C1orf35: variants seen among roughly 807,000 people sequenced by gnomAD.
C1orf35 encodes chromosome 1 open reading frame 35.
In C1orf35, 36 loss-of-function variants were observed where a neutral mutation model predicts 30.9. The observed-to-expected ratio is 1.16, with a 90% CI of 0.89 to 1.54. C1orf35 has a LOEUF of 1.54. Ranked by LOEUF, C1orf35 falls within the 40% of genes most tolerant of loss-of-function variation. The probability of loss-of-function intolerance (pLI) is 0.00; values close to 1 mark genes in which losing one functional copy is unlikely to be tolerated. For missense variants in C1orf35, 396 were observed against 358.7 expected, an observed-to-expected ratio of 1.10 and a Z score of -0.84; for synonymous variants, 179 against 148.2, an observed-to-expected ratio of 1.21 and a Z score of -1.51.
chr1:228,101,006 C>T lies in C1orf35; in HGVS notation c.*125G>A. 1 of 1,426,506 alleles carries T rather than the reference C, an allele frequency of 7.0e-7. No homozygotes were observed. Among genetic ancestry groups the T allele is most frequent in the Non-Finnish European group, 9.5e-7 (1 of 1,048,446 alleles). The allele number at this position is 1,426,506 out of a possible 1,614,324, so 88.4% of individuals were successfully genotyped here. A position where few individuals can be genotyped will look rare whatever the true frequency, so the allele number is the denominator to read the frequency against. On this transcript the variant is annotated 3_prime_UTR_variant, in exon 8 of 8. Coordinates refer to ENST00000272139, the MANE Select transcript of C1orf35 (RefSeq NM_024319.4). The stretch of plus-strand genomic sequence containing the variant: ...AGTCTTTAGCCCCACAGGCTGGTGC[C>T]CAGAGCCACTTCCACAGGAGCAGCC...
intron 6 of C1orf35, 123 bp downstream of exon 6, chr1:228,101,957 G>A: frequency 7.0e-7 from 1 of 1,430,072 alleles, no homozygotes; most frequent in Non-Finnish European, 9.1e-7. Context: ...AAGTAAAGTA[G>A]GGCAGGCCAC....
In C1orf35 at chr1:228,103,264, GCAACCTGCAACCCGCAAC is replaced by G; in HGVS notation, c.-55_-38del. On this transcript the variant is annotated 5_prime_UTR_variant, in exon 1 of 8. Coordinates refer to ENST00000272139, the MANE Select transcript of C1orf35 (RefSeq NM_024319.4). Reference sequence around the variant, plus strand: ...GGCAGTTGCCTGGGGCCTGCGGCTTGCAACCTGCAACCCGCAACCCGAGACCCGCTACCCACTACCGTC... The same window carrying G: ...GGCAGTTGCCTGGGGCCTGCGGCTTGCCGAGACCCGCTACCCACTACCGTC... 6.2e-7 allele frequency: 1 copy of G among 1,601,734 alleles called. No individual in the cohort carries two copies. The highest frequency in any genetic ancestry group is 8.5e-7 in the Non-Finnish European group (1 of 1,175,522).
chr1:228,102,648 T>C lies in C1orf35; in HGVS notation c.286A>G (p.Lys96Glu). 6.2e-7 allele frequency: 1 copy of C among 1,606,518 alleles called. No individual in the cohort carries two copies. The highest frequency in any genetic ancestry group is 1.1e-5 in the South Asian group (1 of 89,898). The change falls in exon 3 of 8, where the codon AAG becomes GAG. Residue 96 changes from lysine (K) to glutamate (E), a missense_variant. Lys to Glu is a moderately conservative substitution (Grantham distance 56, BLOSUM62 1). Coordinates refer to ENST00000272139, the MANE Select transcript of C1orf35 (RefSeq NM_024319.4). ...CCCCCACCCCGGGGAGTTACCTCCT[T>C]GCTCAGGCCCGTGGGCTGCTTCTTC... is the stretch of plus-strand genomic sequence containing the variant. ...NVKKQPTGLS[K>E]EDFAEVCKRE...
chr1:228,101,568 C>T, intron 6 of C1orf35, 95 bp from the exon 7 acceptor site: 1 of 1,556,710 alleles, frequency 6.4e-7, no homozygotes, highest in East Asian at 2.2e-5. Context: ...CCACCACCCA[C>T]AAGTGCGTCT....
At position 228,103,028 on chromosome 1, in the gene C1orf35, A is replaced by G; in HGVS notation, c.116T>C (p.Val39Ala). The change falls in exon 2 of 8, where the codon GTA (valine) becomes GCA (alanine). Residue 39 changes from valine to alanine, a missense_variant. Physicochemically the swap from Val to Ala is moderately conservative, Grantham distance 64. Coordinates refer to ENST00000272139, the MANE Select transcript of C1orf35 (RefSeq NM_024319.4). ...GTCGCGGCCCTTCTGCCAGCGGCCT[A>G]CCGGCGCCATCAGCGAGTTGCCTGC... Reference protein sequence around the residue: ...NYLGNSLMAPVGRWQKGRDLT... With the variant: ...NYLGNSLMAPAGRWQKGRDLT... 6.3e-7 allele frequency: 1 copy of G among 1,590,922 alleles called. No individual in the cohort carries two copies. Among genetic ancestry groups the G allele is most frequent in the South Asian group, 1.1e-5 (1 of 88,604 alleles).
chr1:228,102,676 G>A lies in C1orf35; in HGVS notation c.258C>T (p.Asn86=), dbSNP rs763729658. The A allele has an allele frequency of 6.2e-7, 1 of 1,608,902 alleles. No individual in the cohort carries two copies. The highest frequency in any genetic ancestry group is 8.5e-7 in the Non-Finnish European group (1 of 1,178,596). ...EALLAALGYK[N]VKKQPTGLSK... is the part of the protein sequence containing the mutation. Reference sequence around the variant, plus strand: ...TCAGGCCCGTGGGCTGCTTCTTCACGTTCTTGTAGCCACTGCGAGAGGGCC... The same window carrying A: ...TCAGGCCCGTGGGCTGCTTCTTCACATTCTTGTAGCCACTGCGAGAGGGCC... The change falls in exon 3 of 8, where the codon AAC becomes AAT. Residue 86 remains asparagine (N), a synonymous_variant. Coordinates refer to ENST00000272139, the MANE Select transcript of C1orf35 (RefSeq NM_024319.4).
At chr1:228,102,785 G>C in intron 2 of C1orf35, 97 bp from the exon 3 acceptor site, 1 of 1,456,862 alleles carries the variant, frequency 6.9e-7, no homozygotes, top group Non-Finnish European at 9.0e-7. Context: ...CCGCCCGCGC[G>C]AGTCCCCGCA....
Position 228,102,223 on chromosome 1 carries a change from G to A in C1orf35, c.448-58C>T, listed in dbSNP as rs578158660. On this transcript the variant is annotated intron_variant, in intron 5 of 7. Transcript: ENST00000272139. ...GCGGGCCGGCCCCACACCACGCCCC[G>A]CAGCGCCCCGGGGAGCTCCGTTCAG... The A allele has an allele frequency of 2.5e-3, 3,854 of 1,562,028 alleles. 12 individuals carry two copies. The highest frequency in any genetic ancestry group is 3.0e-3 in the Non-Finnish European group (3,502 of 1,159,480).
intron 1 of C1orf35, 42 bp from the exon 2 acceptor site, chr1:228,103,091 C>T (rs368771045): frequency 1.3e-6 from 2 of 1,599,024 alleles, no homozygotes; most frequent in African/African-American, 1.4e-5. Flanking sequence ...CGCCCGGGAT[C>T]CCGGAGCCCG....
rs1193648690 is a variant in C1orf35, at chr1:228,102,991, G to A, written c.153C>T (p.Tyr51=). ...CCGCGCATGGCGCCCGGCCCTTGGC[G>A]TACCAGGTGAGGTCGCGGCCCTTCT... ...RWQKGRDLTW[Y]AKGRAPCAGP... Residue 51 remains tyrosine, a synonymous_variant, in exon 2 of 8, where the codon TAC becomes TAT. Coordinates refer to ENST00000272139, the MANE Select transcript of C1orf35 (RefSeq NM_024319.4). 6.5e-7 allele frequency: 1 copy of A among 1,548,706 alleles called. No individual in the cohort carries two copies. The highest frequency in any genetic ancestry group is 1.9e-5 in the Admixed American group (1 of 52,590).
At position 228,102,547 on chromosome 1, in the gene C1orf35, AC is replaced by A. The variant is rs1370700001; in HGVS notation, c.304del (p.Val102SerfsTer52). ...GGGGTCGCCTCCTTCCCGCTTGCAG[AC>A]CTCCGCGAAGTCCTGCAGGTGCGAG... ...TGLSKEDFAE[V>X]CKREGGDPEE... On this transcript the variant is annotated frameshift_variant, in exon 4 of 8. Transcript: ENST00000272139. LOFTEE classifies it high-confidence loss of function. The A allele has an allele frequency of 1.3e-6, 2 of 1,558,866 alleles. No individual in the cohort carries two copies. The highest frequency in any genetic ancestry group is 4.8e-5 in the East Asian group (2 of 41,638).
chr1:228,101,744 C>G (rs2032951117), intron 6 of C1orf35: 15 of 1,413,026 alleles, frequency 1.1e-5, no homozygotes, highest in African/African-American at 1.4e-5. Flanking sequence ...CCTGCACCCA[C>G]CAGGCCACTC....
At chr1:228,101,660 A>G (rs1187213460) in intron 6 of C1orf35, 187 bp from the exon 7 acceptor site, 1 of 1,451,312 alleles carries the variant, frequency 6.9e-7, no homozygotes, top group Non-Finnish European at 9.0e-7. Context: ...TTAGAAACAG[A>G]TGCAATATCC....
rs949569596 is a variant in C1orf35 at position 228,101,608 on chromosome 1, C to T, written c.534-135G>A. 21 of 1,509,656 alleles carry T rather than the reference C, an allele frequency of 1.4e-5. No homozygotes were observed. In the Admixed American group the frequency reaches 1.9e-4, roughly 14 times the overall value. The allele number at this position is 1,509,656 out of a possible 1,614,324, so 93.5% of individuals were successfully genotyped here. A position where few individuals can be genotyped will look rare whatever the true frequency, so the allele number is the denominator to read the frequency against. ...ATCAGTTAAATCAAACTACAAATTC[C>T]ACTCCTCAGTTACGTAGTCACGTGG... On this transcript the variant is annotated intron_variant, in intron 6 of 7. Transcript: ENST00000272139.
In C1orf35 at chr1:228,102,372, C is replaced by G; in HGVS notation, c.385G>C (p.Gly129Arg). 1 of 1,610,706 alleles carries G rather than the reference C, an allele frequency of 6.2e-7. No individual in the cohort carries two copies. Among genetic ancestry groups the G allele is most frequent in the Non-Finnish European group, 8.5e-7 (1 of 1,179,524 alleles). ...TCCTCTCGGGACATCGCCACGCGGC[C>G]CACGGAGCCACTGCAGGGACATGGC... ...LGLGSASGSV[G>R]RVAMSREDKE... The change falls in exon 5 of 8, where the codon GGC becomes CGC. Residue 129 changes from glycine (G) to arginine (R), a missense_variant. Physicochemically the swap from Gly to Arg is moderately radical, Grantham distance 125. Coordinates refer to ENST00000272139, the MANE Select transcript of C1orf35 (RefSeq NM_024319.4).
At position 228,102,369 on chromosome 1, in the gene C1orf35, G is replaced by T; in HGVS notation, c.388C>A (p.Arg130Ser). The change falls in exon 5 of 8, where the codon CGC becomes AGC. Residue 130 changes from arginine to serine, a missense_variant. Coordinates refer to ENST00000272139, the MANE Select transcript of C1orf35 (RefSeq NM_024319.4). The stretch of plus-strand genomic sequence containing the variant: ...TTGTCCTCTCGGGACATCGCCACGC[G>T]GCCCACGGAGCCACTGCAGGGACAT... Reference protein sequence around the residue: ...GLGSASGSVGRVAMSREDKEA... With the variant: ...GLGSASGSVGSVAMSREDKEA... The T allele has an allele frequency of 6.2e-7, 1 of 1,610,836 alleles. No homozygotes were observed. The highest frequency in any genetic ancestry group is 8.5e-7 in the Non-Finnish European group (1 of 1,179,542).
Position 228,102,997 on chromosome 1 carries a change from G to A in C1orf35, c.147C>T (p.Thr49=). The A allele has an allele frequency of 1.3e-6, 2 of 1,558,152 alleles. No individual in the cohort carries two copies. The highest frequency in any genetic ancestry group is 1.7e-6 in the Non-Finnish European group (2 of 1,156,218). Residue 49 remains threonine, a synonymous_variant, in exon 2 of 8, where the codon ACC becomes ACT. Coordinates refer to ENST00000272139, the MANE Select transcript of C1orf35 (RefSeq NM_024319.4). ...VGRWQKGRDL[T]WYAKGRAPCA... ...ATGGCGCCCGGCCCTTGGCGTACCA[G>A]GTGAGGTCGCGGCCCTTCTGCCAGC...
intron 1 of C1orf35, 38 bp from the exon 2 acceptor site, chr1:228,103,087 G>A (rs1383410221): frequency 1.9e-6 from 3 of 1,607,068 alleles, no homozygotes; most frequent in South Asian, 1.1e-5. Flanking sequence ...CGCCCGCCCG[G>A]GATCCCGGAG....
chr1:228,101,784 G>A (rs2032972041), intron 6 of C1orf35: 1 of 1,409,208 alleles, frequency 7.1e-7, no homozygotes. Context: ...CACCATCCAG[G>A]AGAAGCCCTG....
Sources: gnomAD v4.1 joint callset for allele counts on GRCh38, gnomAD v4.1.1 for gene constraint, MANE v1.5 for transcripts, NCBI Gene and HGNC (gene_info 2026-07-23, HGNC 2026-07-21) for gene names.